Variants in BRF1 observed in about 807,000 individuals in gnomAD.
BRF1 encodes BRF1 general transcription factor IIIB subunit.
Under a neutral mutation model 81.7 loss-of-function variants are expected in BRF1, and 59 were observed. That is an observed-to-expected ratio of 0.72 (90% CI 0.59 to 0.90). The LOEUF is 0.90. Among genes scored for constraint, BRF1 ranks in the 40% least tolerant of loss-of-function variants. BRF1 has a pLI of 0.00. For synonymous variants in BRF1, 491 were observed against 395.6 expected (o/e 1.24, Z -2.86); for missense variants, 1,050 against 936.3 (o/e 1.12, Z -1.58).
intron 5 of BRF1, among the ~76,000 whole-genome samples, chr14:105,245,001 C>T (rs1482980669): frequency 6.6e-6 from 1 of 151,644 alleles, no homozygotes; most frequent in African/African-American, 2.4e-5. Context: ...CACCTCCAAA[C>T]GCTGTTAGAA....
Position 105,217,692 on chromosome 14 carries a change from C to A in BRF1, c.1624G>T (p.Val542Leu). 4 of 1,613,428 alleles carry A rather than the reference C, an allele frequency of 2.5e-6. No individual in the cohort carries two copies. Among genetic ancestry groups the A allele is most frequent in the Non-Finnish European group, 3.4e-6 (4 of 1,180,028 alleles). ...CCGGCGCTGCTGAGGCCCCGGAGCA[C>A]GCTATAATTGATCTTGCTGGAGATC... ...KKISSKINYS[V>L]LRGLSSAGGG... The change falls in exon 15 of 18, where the codon GTG (valine) becomes TTG (leucine). Residue 542 changes from valine (V) to leucine (L), a missense_variant. This residue lies in a region of BRF1 where 1,043 missense variants were observed against 915.4 expected (regional missense o/e 1.14). Transcript: ENST00000547530.
At position 105,210,516 on chromosome 14, in the gene BRF1, C is replaced by T. The variant is rs779708262; in HGVS notation, c.*35G>A. On this transcript the variant is annotated 3_prime_UTR_variant, in exon 18 of 18. Coordinates refer to ENST00000547530, the MANE Select transcript of BRF1 (RefSeq NM_001519.4). This position sits in a 1 kb window ranked among gnomAD's most constrained non-coding sequence, Gnocchi z 4.7. ...TGATGCTGAGGAGACCCGCGAGGCC[C>T]CCTGCCAGGACATCACCTGCCTGGA... 14 of 1,608,426 alleles carry T rather than the reference C, an allele frequency of 8.7e-6. No individual in the cohort carries two copies. The South Asian group carries it at 8.8e-5, about 10-fold the overall frequency.
At chr14:105,224,184 C>G (rs761681408) in intron 10 of BRF1, among the ~76,000 whole-genome samples, 2 of 152,198 alleles carry the variant, frequency 1.3e-5, no homozygotes, top group Non-Finnish European at 2.9e-5. Context: ...GCCTGGCCAA[C>G]GTGGCGAAAC....
chr14:105,314,183 G>C (rs2140731204), intron 1 of BRF1, among the ~76,000 whole-genome samples: 1 of 152,278 alleles, frequency 6.6e-6, no homozygotes, highest in African/African-American at 2.4e-5. Flanking sequence ...CCACGCAGGG[G>C]GGCGCGAGGG....
At chr14:105,256,741 C>T (rs1016867766) in intron 3 of BRF1, among the ~76,000 whole-genome samples, 192 bp from the exon 4 acceptor site, 29 of 152,224 alleles carry the variant, frequency 1.9e-4, no homozygotes, top group African/African-American at 6.5e-4. Context: ...TCACCAGAAC[C>T]TCCCAGCCCC....
chr14:105,220,254 C>A, intron 11 of BRF1, 124 bp from the exon 12 acceptor site: 1 of 1,048,210 alleles, frequency 9.5e-7, no homozygotes, highest in Non-Finnish European at 1.4e-6. Flanking sequence ...CCGTCCCCTC[C>A]TCTGCACTGG....
rs587673665 is a variant in BRF1, at chr14:105,298,848, C to G, written c.184+1598G>C. Among the ~76,000 whole-genome samples, 403 of 143,252 alleles carry G rather than the reference C, an allele frequency of 2.8e-3. 1 individual carries two copies. The highest frequency in any genetic ancestry group is 8.8e-3 in the Middle Eastern group (2 of 228). The allele number at this position is 143,252 out of a possible 152,430, so 94.0% of individuals were successfully genotyped here. ...CCAGCCTGGGCCACAGAGCAAGATT[C>G]TGTCTCAAAAAAAAAAAAAAAGTTA... On this transcript the variant is annotated intron_variant, in intron 1 of 17. Coordinates refer to ENST00000547530, the MANE Select transcript of BRF1 (RefSeq NM_001519.4).
At chr14:105,226,964 A>T (rs1432728041) in intron 7 of BRF1, 5 of 614,970 alleles carry the variant, frequency 8.1e-6, no homozygotes, top group African/African-American at 5.7e-5. Flanking sequence ...AAAAAAAAAA[A>T]TTAGCCACGC....
rs201935301 is a variant in BRF1 at position 105,220,065 on chromosome 14, G to A, written c.1377+4C>T. The A allele has an allele frequency of 1.4e-5, 22 of 1,612,310 alleles. No homozygotes were observed. The East Asian group carries it at 2.0e-4, about 15-fold the overall frequency. ...CCCTCTTGGGAAGGGGTGCTGCCAC[G>A]TACCCTGTCAATCTCCAGGTCATCA... On this transcript the variant is annotated splice_donor_region_variant and intron_variant, in intron 12 of 17. Coordinates refer to ENST00000547530, the MANE Select transcript of BRF1 (RefSeq NM_001519.4).
intron 2 of BRF1, among the ~76,000 whole-genome samples, chr14:105,283,043 CTT>C (rs961384444): frequency 2.0e-4 from 30 of 152,220 alleles, no homozygotes; most frequent in African/African-American, 6.0e-4. Flanking sequence ...AAAATCCCCT[CTT>C]GTGTCTCCAG....
At chr14:105,241,107 G>A (rs1410481908) in intron 6 of BRF1, among the ~76,000 whole-genome samples, 158 bp downstream of exon 6, 1 of 152,236 alleles carries the variant, frequency 6.6e-6, no homozygotes, top group African/African-American at 2.4e-5. Context: ...GGAGGGCTGA[G>A]GACCCCGGTG....
rs978875253 is a variant in BRF1, at chr14:105,300,537, C to G, written c.93G>C (p.Val31=). 7.2e-6 allele frequency: 11 copies of G among 1,528,540 alleles called. No homozygotes were observed. In the East Asian group the frequency reaches 1.0e-4, roughly 14 times the overall value. The allele number at this position is 1,528,540 out of a possible 1,614,324, so 94.7% of individuals were successfully genotyped here. A position where few individuals can be genotyped will look rare whatever the true frequency, so the allele number is the denominator to read the frequency against. Residue 31 remains valine (V), a synonymous_variant, in exon 1 of 18, where the codon GTG becomes GTC. Transcript: ENST00000547530. ...CGGACACGATGATGTTGTCCTCCAG[C>G]ACTGAGCCGCAGGCGGTGCACACCG... ...GDAVCTACGS[V]LEDNIIVSEV... is the part of the protein sequence containing the mutation.
chr14:105,307,491 G>A (rs895767421), intron 1 of BRF1, among the ~76,000 whole-genome samples: 15 of 151,772 alleles, frequency 9.9e-5, no homozygotes, highest in Admixed American at 2.6e-4. Flanking sequence ...GCTTCCCCAC[G>A]TGCCCCTCCT....
intron 2 of BRF1, among the ~76,000 whole-genome samples, chr14:105,280,652 C>T (rs922866950): frequency 1.3e-5 from 2 of 151,394 alleles, no homozygotes; most frequent in Non-Finnish European, 2.9e-5. Context: ...CCTGCGTGTG[C>T]AGGTGGAGGC....
chr14:105,305,379 G>A (rs1034718650), upstream of BRF1, among the ~76,000 whole-genome samples: 1 of 152,130 alleles, frequency 6.6e-6, no homozygotes, highest in Non-Finnish European at 1.5e-5. Flanking sequence ...TCCAGCCTGG[G>A]CGACAGATTG....
At chr14:105,267,237 G>A (rs1263773297) in intron 3 of BRF1, among the ~76,000 whole-genome samples, 5 of 152,192 alleles carry the variant, frequency 3.3e-5, no homozygotes, top group Non-Finnish European at 5.9e-5. Flanking sequence ...CCACCGACAA[G>A]GGGCCCACAT....
intron 5 of BRF1, chr14:105,247,096 G>A (rs1595371609): frequency 1.0e-6 from 1 of 985,428 alleles, no homozygotes; most frequent in Non-Finnish European, 1.2e-6. Flanking sequence ...CAGACGGCTG[G>A]GACAGAAACC....
At chr14:105,260,799 C>A (rs1425512001) in intron 3 of BRF1, among the ~76,000 whole-genome samples, 2 of 152,224 alleles carry the variant, frequency 1.3e-5, no homozygotes, top group Non-Finnish European at 2.9e-5. Flanking sequence ...GCACTTGATC[C>A]GCATTCACCT....
intron 1 of BRF1, among the ~76,000 whole-genome samples, chr14:105,294,111 G>GC (rs2057633649): frequency 1.3e-5 from 2 of 152,194 alleles, no homozygotes; most frequent in Non-Finnish European, 2.9e-5. Context: ...TAGAGAGCCT[G>GC]CCTGGGAGAC....
Sources: gnomAD v4.1 joint callset for allele counts (sites outside exome capture counted in the v4.1 genomes callset) on GRCh38, gnomAD v4.1.1 for gene constraint, gnomAD v4.1.1 regional missense constraint, Gnocchi (gnomAD v3.1) non-coding constraint, MANE v1.5 for transcripts, NCBI Gene and HGNC (gene_info 2026-07-23, HGNC 2026-07-21) for gene names.